The following MAGI1 variants were observed in gnomAD, a reference collection of about 807,000 sequenced individuals.
MAGI1 encodes the protein membrane associated guanylate kinase, WW and PDZ domain containing 1.
In MAGI1, 58 loss-of-function variants were observed where a neutral mutation model predicts 139.9. The ratio of observed to expected loss-of-function variants is 0.41; its 90% CI spans 0.34 to 0.52. The LOEUF is 0.52. MAGI1 is among the 20% of genes least tolerant of loss of function. The pLI is 0.12. For synonymous variants in MAGI1, 812 were observed against 737.9 expected, an observed-to-expected ratio of 1.10 and a Z score of -1.63; for missense variants, 1,874 against 1,901.6, an observed-to-expected ratio of 0.99 and a Z score of 0.27.
chr3:65,863,462 G>A (rs1363277467), intron 1 of MAGI1, among the ~76,000 whole-genome samples: 1 of 152,156 alleles, frequency 6.6e-6, no homozygotes, highest in Non-Finnish European at 1.5e-5. Context: ...AAGAAATAAG[G>A]GCACATTCCA....
intron 1 of MAGI1, among the ~76,000 whole-genome samples, chr3:65,827,674 T>C (rs2042300474): frequency 6.6e-6 from 1 of 152,152 alleles, no homozygotes. Flanking sequence ...TACTTCAAGG[T>C]CTACTCAACT....
intron 1 of MAGI1, among the ~76,000 whole-genome samples, chr3:65,881,555 C>T (rs1044757971): frequency 2.0e-5 from 3 of 151,648 alleles, no homozygotes; most frequent in African/African-American, 7.3e-5. Context: ...TGTGCCCAGG[C>T]GTTGGAGGCT....
intron 1 of MAGI1, among the ~76,000 whole-genome samples, chr3:65,858,715 T>C (rs2059447348): frequency 6.6e-6 from 1 of 152,348 alleles, no homozygotes; most frequent in South Asian, 2.1e-4. Context: ...CCTGGTCTAA[T>C]TATCTCTGCA....
At chr3:65,723,611 G>A (rs960019511) in intron 1 of MAGI1, among the ~76,000 whole-genome samples, 37 of 152,184 alleles carry the variant, frequency 2.4e-4, no homozygotes, top group Admixed American at 2.4e-3. Flanking sequence ...GATGTTATAT[G>A]TGTAACATAT....
intron 2 of MAGI1, among the ~76,000 whole-genome samples, chr3:65,498,707 C>G (rs768937122): frequency 6.6e-6 from 1 of 152,198 alleles, no homozygotes; most frequent in Non-Finnish European, 1.5e-5. Flanking sequence ...CATCCCTCAT[C>G]CTTAACCATC....
rs140729034 is a variant in MAGI1, at chr3:65,491,084, AG to A, written c.550+2427del. On this transcript the variant is annotated intron_variant, in intron 3 of 22. Transcript: ENST00000402939. ...AACCATTCCTCTACTGCTATACACC[AG>A]GAAGTTAGCTTCAAGTACTAATGGG... Among the ~76,000 whole-genome samples the A allele has an allele frequency of 2.0e-3, 310 of 152,200 alleles. 1 individual carries two copies. The highest frequency in any genetic ancestry group is 6.5e-3 in the African/African-American group (272 of 41,530).
At chr3:65,450,858 T>C (rs1948992603) in intron 6 of MAGI1, among the ~76,000 whole-genome samples, 1 of 152,154 alleles carries the variant, frequency 6.6e-6, no homozygotes, top group South Asian at 2.1e-4. Context: ...ACAGGGACAA[T>C]ATTTGCAACC....
intron 1 of MAGI1, among the ~76,000 whole-genome samples, chr3:65,772,092 A>T (rs1278654757): frequency 6.6e-6 from 1 of 152,024 alleles, no homozygotes; most frequent in Non-Finnish European, 1.5e-5. Flanking sequence ...TCCCAGGGAG[A>T]GGGTGAGGCA....
chr3:65,713,852 G>T (rs1236349231), intron 1 of MAGI1, among the ~76,000 whole-genome samples: 1 of 151,982 alleles, frequency 6.6e-6, no homozygotes, highest in East Asian at 1.9e-4. Context: ...TTTAGCTGCT[G>T]GGAAAACAAA....
intron 2 of MAGI1, among the ~76,000 whole-genome samples, chr3:65,580,217 G>A (rs1287742831): frequency 6.6e-6 from 1 of 152,118 alleles, no homozygotes; most frequent in Non-Finnish European, 1.5e-5. Flanking sequence ...GCACTTTCCA[G>A]AATGTATTCT....
chr3:65,610,671 T>C (rs2083001465), intron 2 of MAGI1, among the ~76,000 whole-genome samples: 1 of 148,456 alleles, frequency 6.7e-6, no homozygotes, highest in South Asian at 2.1e-4. Context: ...TAAGGTCTGT[T>C]TGTAATCTTA....
At chr3:65,762,023 C>T (rs1044068866) in intron 1 of MAGI1, among the ~76,000 whole-genome samples, 4 of 151,776 alleles carry the variant, frequency 2.6e-5, no homozygotes, top group African/African-American at 4.8e-5. Context: ...GAGTAAGAGC[C>T]TAAAAAGTTT....
chr3:65,362,708 C>T (rs1000945773), intron 21 of MAGI1, among the ~76,000 whole-genome samples: 1 of 152,238 alleles, frequency 6.6e-6, no homozygotes, highest in African/African-American at 2.4e-5. Context: ...CAACTGCATT[C>T]ACTTTTTTCC....
intron 1 of MAGI1, among the ~76,000 whole-genome samples, chr3:65,990,244 C>A (rs895718672): frequency 1.3e-5 from 2 of 152,098 alleles, no homozygotes; most frequent in African/African-American, 2.4e-5. Context: ...CAGTATCTTG[C>A]TCCAAGTACT....
intron 1 of MAGI1, among the ~76,000 whole-genome samples, chr3:65,705,884 T>C (rs748028698): frequency 7.9e-5 from 12 of 152,236 alleles, no homozygotes; most frequent in Non-Finnish European, 2.9e-5. Context: ...AATGTTCTTA[T>C]TGATTGGCAA....
At chr3:65,753,760 G>A in intron 1 of MAGI1, among the ~76,000 whole-genome samples, 1 of 150,520 alleles carries the variant, frequency 6.6e-6, no homozygotes, top group East Asian at 2.0e-4. Flanking sequence ...AAAGAGTCTA[G>A]ACTCAACCCC....
intron 2 of MAGI1, among the ~76,000 whole-genome samples, chr3:65,502,152 C>A (rs988884240): frequency 2.0e-5 from 3 of 152,114 alleles, no homozygotes; most frequent in Admixed American, 2.0e-4. Flanking sequence ...GTGATTTTTA[C>A]TGTGTATAAT....
chr3:65,424,855 T>C (rs150932201), intron 12 of MAGI1, among the ~76,000 whole-genome samples: 192 of 152,268 alleles, frequency 1.3e-3, no homozygotes, highest in African/African-American at 4.3e-3. Context: ...TCTGGTTGTA[T>C]ATCAGAATCA....
intron 12 of MAGI1, among the ~76,000 whole-genome samples, chr3:65,402,576 T>C (rs996499867): frequency 1.3e-5 from 2 of 152,304 alleles, no homozygotes; most frequent in East Asian, 1.9e-4. Flanking sequence ...CAAGAGATGC[T>C]TGGGATCTGG....
Sources: gnomAD v4.1 joint callset for allele counts (sites outside exome capture counted in the v4.1 genomes callset) on GRCh38, gnomAD v4.1.1 for gene constraint, MANE v1.5 for transcripts, NCBI Gene and HGNC (gene_info 2026-07-23, HGNC 2026-07-21) for gene names.